BARD1: variants seen among roughly 807,000 people sequenced by gnomAD.
BARD1 encodes BRCA1-associated RING domain protein 1.
In BARD1, 73 loss-of-function variants were observed where a neutral mutation model predicts 77.0. The ratio of observed to expected loss-of-function variants is 0.95; its 90% CI spans 0.79 to 1.15. The LOEUF (loss-of-function observed/expected upper bound fraction) is 1.15, where lower values mean the gene tolerates loss of function less well. BARD1 is among the 50% of genes most tolerant of loss of function. The probability of loss-of-function intolerance (pLI) is 0.00; values close to 1 mark genes in which losing one functional copy is unlikely to be tolerated. For missense variants in BARD1, 993 were observed against 938.8 expected (o/e 1.06, Z -0.75); for synonymous variants, 384 against 338.0 (o/e 1.14, Z -1.49).
In BARD1 at chr2:214,791,161, T is replaced by C. The variant is rs139057189; in HGVS notation, c.364+1136A>G. ...AGAAAAACTTCTGCACTACAGCACATTTTATCATAAAAGAATGGAGTTGAA... is the reference window on the plus strand; with the variant it reads ...AGAAAAACTTCTGCACTACAGCACACTTTATCATAAAAGAATGGAGTTGAA... On this transcript the variant is annotated intron_variant, in intron 3 of 10. Transcript: ENST00000260947. 8.0e-3 allele frequency among the ~76,000 whole-genome samples: 1,215 copies of C among 152,294 alleles called. 15 individuals are homozygous for C. The highest frequency in any genetic ancestry group is 0.028 in the African/African-American group (1,144 of 41,568).
At chr2:214,782,558 G>C (rs1252364151) in intron 3 of BARD1, among the ~76,000 whole-genome samples, 1 of 151,884 alleles carries the variant, frequency 6.6e-6, no homozygotes, top group African/African-American at 2.4e-5. Flanking sequence ...ATTCCATTGA[G>C]GGTAGACAGA....
chr2:214,744,958 A>C, intron 9 of BARD1, 109 bp downstream of exon 9: 1 of 1,019,092 alleles, frequency 9.8e-7, no homozygotes, highest in Non-Finnish European at 1.5e-6. Context: ...GCAGTGACTA[A>C]CCAGAGGTAA....
intron 6 of BARD1, among the ~76,000 whole-genome samples, chr2:214,762,144 A>G (rs1038274797): frequency 1.3e-5 from 2 of 152,236 alleles, no homozygotes; most frequent in Non-Finnish European, 2.9e-5. Flanking sequence ...CACAAGCGGA[A>G]AATTCCAAAC....
At chr2:214,770,097 A>T (rs897298214) in intron 4 of BARD1, among the ~76,000 whole-genome samples, 16 of 152,188 alleles carry the variant, frequency 1.1e-4, no homozygotes, top group Admixed American at 8.5e-4. Context: ...TTTAGTTTAT[A>T]TTCACCTTAT....
At chr2:214,779,091 T>C (rs936061776) in intron 4 of BARD1, among the ~76,000 whole-genome samples, 1 of 152,018 alleles carries the variant, frequency 6.6e-6, no homozygotes, top group African/African-American at 2.4e-5. Context: ...TTTGCAAAAA[T>C]CAAACTAAAA....
rs1692216921 is a variant in BARD1, at chr2:214,728,877, ACTGT to A, written c.2129_2132del (p.Asp710ValfsTer3). ...CTGTATTGATGGTCTGAGTCACGTC[ACTGT>A]CTGGCTTGGGCTTTCTACTGAGGAT... On this transcript the variant is annotated frameshift_variant, in exon 11 of 11. Transcript: ENST00000260947. LOFTEE classifies it high-confidence loss of function. The A allele has an allele frequency of 1.2e-6, 2 of 1,614,208 alleles. No individual in the cohort carries two copies. The highest frequency in any genetic ancestry group is 8.5e-7 in the Non-Finnish European group (1 of 1,180,030).
intron 3 of BARD1, among the ~76,000 whole-genome samples, chr2:214,782,585 CAG>C (rs1459286448): frequency 1.3e-5 from 2 of 151,794 alleles, no homozygotes; most frequent in Non-Finnish European, 2.9e-5. Flanking sequence ...AAAGATTCAG[CAG>C]AGTTTTTAAA....
intron 9 of BARD1, among the ~76,000 whole-genome samples, chr2:214,743,650 C>T (rs1692951675): frequency 6.6e-6 from 1 of 152,038 alleles, no homozygotes; most frequent in Non-Finnish European, 1.5e-5. Context: ...GTGGCGCCAT[C>T]TCGGCTCACT....
In BARD1 at chr2:214,809,347, C is replaced by A. The variant is rs567083127; in HGVS notation, c.158+65G>T. On this transcript the variant is annotated intron_variant, in intron 1 of 10. Coordinates refer to ENST00000260947, the MANE Select transcript of BARD1 (RefSeq NM_000465.4). The stretch of plus-strand genomic sequence containing the variant: ...AGGAAACGGAAGATTTGAAAAGATT[C>A]TGCCGCCCCCAGAAACTGTGCGACC... The A allele has an allele frequency of 7.5e-6, 12 of 1,596,280 alleles. No individual in the cohort carries two copies. In the South Asian group the frequency reaches 1.2e-4, roughly 16 times the overall value.
intron 9 of BARD1, among the ~76,000 whole-genome samples, chr2:214,733,968 C>CTT (rs1190306405): frequency 1.3e-5 from 2 of 152,150 alleles, no homozygotes; most frequent in Non-Finnish European, 2.9e-5. Flanking sequence ...TCAGATTCAG[C>CTT]TTTTCCCTCT....
intron 7 of BARD1, among the ~76,000 whole-genome samples, chr2:214,748,834 T>C (rs561323043): frequency 2.0e-5 from 3 of 149,316 alleles, no homozygotes; most frequent in Admixed American, 1.3e-4. Context: ...GGCAAGTATG[T>C]ATCATAAAGA....
At chr2:214,807,562 T>C (rs955090585) in intron 1 of BARD1, among the ~76,000 whole-genome samples, 1 of 152,196 alleles carries the variant, frequency 6.6e-6, no homozygotes, top group Non-Finnish European at 1.5e-5. Flanking sequence ...TTTCATTTTG[T>C]TTCTTCCATA....
intron 1 of BARD1, among the ~76,000 whole-genome samples, chr2:214,805,110 G>A (rs139619486): frequency 0.058 from 8,855 of 151,802 alleles, 260 homozygotes; most frequent in Admixed American, 0.093. Flanking sequence ...GCAGTGAGCC[G>A]AGATCACACC....
rs730881411 is a variant in BARD1, at chr2:214,781,426, G to C, written c.448C>G (p.Arg150Gly). The C allele has an allele frequency of 6.2e-7, 1 of 1,613,314 alleles. No individual in the cohort carries two copies. Among genetic ancestry groups the C allele is most frequent in the Non-Finnish European group, 8.5e-7 (1 of 1,179,842 alleles). The change falls in exon 4 of 11, where the codon CGA (arginine) becomes GGA (glycine). Residue 150 changes from arginine (R) to glycine (G), a missense_variant. Physicochemically the swap from Arg to Gly is moderately radical, Grantham distance 125. Coordinates refer to ENST00000260947, the MANE Select transcript of BARD1 (RefSeq NM_000465.4). The part of the protein sequence containing the change: ...KNSIKMWFSP[R>G]SKKVRYVVSK... ...ACAACATATCTGACTTTCTTACTTC[G>C]AGGGCTAAACCACATTTTAATTGAA...
chr2:214,738,989 G>T (rs1309390640), intron 9 of BARD1, among the ~76,000 whole-genome samples: 1 of 148,596 alleles, frequency 6.7e-6, no homozygotes, highest in Non-Finnish European at 1.5e-5. Context: ...CAACTAAAAA[G>T]AAAAAAAAAA....
intron 6 of BARD1, among the ~76,000 whole-genome samples, chr2:214,763,882 G>A (rs1366569424): frequency 1.3e-5 from 2 of 152,152 alleles, no homozygotes; most frequent in African/African-American, 2.4e-5. Context: ...GGAGGAAAGG[G>A]CAGGAATAAA....
At chr2:214,736,514 A>G (rs1444864766) in intron 9 of BARD1, among the ~76,000 whole-genome samples, 2 of 152,150 alleles carry the variant, frequency 1.3e-5, no homozygotes, top group Non-Finnish European at 2.9e-5. Flanking sequence ...TACTGTATCG[A>G]ATGAATGGCT....
chr2:214,739,240 T>C (rs1368276690), intron 9 of BARD1, among the ~76,000 whole-genome samples: 1 of 150,982 alleles, frequency 6.6e-6, no homozygotes, highest in East Asian at 1.9e-4. Flanking sequence ...ATACAAAATA[T>C]CCTAAAAAAA....
At chr2:214,792,556 A>T (rs1323509872) in intron 2 of BARD1, 111 bp from the exon 3 acceptor site, 4 of 1,052,414 alleles carry the variant, frequency 3.8e-6, no homozygotes, top group Non-Finnish European at 5.4e-6. Flanking sequence ...TCTAACATAC[A>T]ATGGTCAATT....
Sources: allele counts gnomAD v4.1 joint callset (sites outside exome capture counted in the v4.1 genomes callset), GRCh38; gene constraint gnomAD v4.1.1; transcripts MANE v1.5; gene names NCBI Gene and HGNC (gene_info 2026-07-23, HGNC 2026-07-21).